LARP4B: variants seen among roughly 807,000 people sequenced by gnomAD.
LARP4B encodes the protein La ribonucleoprotein 4B.
In LARP4B, 12 loss-of-function variants were observed where a neutral mutation model predicts 89.8. The observed-to-expected ratio is 0.13, with a 90% CI of 0.09 to 0.22. The LOEUF (loss-of-function observed/expected upper bound fraction) is 0.22. LARP4B is among the 10% of genes least tolerant of loss of function. The pLI, the probability that LARP4B is intolerant of heterozygous loss-of-function variation, is 1.00. For synonymous variants in LARP4B, 367 were observed against 363.3 expected, an observed-to-expected ratio of 1.01 and a Z score of -0.12; for missense variants, 757 against 947.7, an observed-to-expected ratio of 0.80 and a Z score of 2.64.
chr10:964,907 C>T, the LARP4B span, among the ~76,000 whole-genome samples: 1 of 152,176 alleles, frequency 6.6e-6, no homozygotes, highest in Non-Finnish European at 1.5e-5. Context: ...ACTGTGGGGC[C>T]AGGCCCCACC....
In LARP4B at chr10:908,300, C is replaced by T. The variant is rs909741030; in HGVS notation, c.-39-22540G>A. ...TTAAAGAGTGGCAGCCCAAAGAGGGCATGGGAGCCCCTTGCCCTTCCCCCA... is the reference window on the plus strand; with the variant it reads ...TTAAAGAGTGGCAGCCCAAAGAGGGTATGGGAGCCCCTTGCCCTTCCCCCA... On this transcript the variant is annotated intron_variant, in intron 1 of 17. Coordinates refer to ENST00000316157, the MANE Select transcript of LARP4B (RefSeq NM_015155.3). Among the ~76,000 whole-genome samples, 4 of 152,310 alleles carry T rather than the reference C, an allele frequency of 2.6e-5. No homozygotes were observed. In the Middle Eastern group the frequency reaches 0.01, roughly 389 times the overall value.
chr10:812,564 G>T lies in LARP4B; in HGVS notation c.*362C>A. 1 of 156,346 alleles carries T rather than the reference G, an allele frequency of 6.4e-6. No homozygotes were observed. The highest frequency in any genetic ancestry group is 2.4e-5 in the African/African-American group (1 of 40,944). The allele number at this position is 156,346 out of a possible 1,614,324, so 9.7% of individuals were successfully genotyped here. On this transcript the variant is annotated 3_prime_UTR_variant, in exon 18 of 18. Coordinates refer to ENST00000316157, the MANE Select transcript of LARP4B (RefSeq NM_015155.3). ...CTTAAAAAAAAAAAAAAAAAGCAGA[G>T]TTCCCTTAATTTAGAAAAACTCACT...
chr10:905,114 A>T (rs993102437), intron 1 of LARP4B, among the ~76,000 whole-genome samples: 32 of 152,234 alleles, frequency 2.1e-4, no homozygotes, highest in Admixed American at 4.6e-4. Flanking sequence ...CTCCAAAAAT[A>T]ACTGAAATAT....
At chr10:934,462 C>T (rs560652955), upstream of LARP4B, among the ~76,000 whole-genome samples, 7 of 152,110 alleles carry the variant, frequency 4.6e-5, no homozygotes, top group East Asian at 1.9e-4. Context: ...CGCATTCCAG[C>T]CTGGGTGACA....
At chr10:870,103 C>T in intron 3 of LARP4B, 1 of 959,098 alleles carries the variant, frequency 1.0e-6, no homozygotes, top group Non-Finnish European at 1.2e-6. Flanking sequence ...AAGCAATTTC[C>T]AAGGCCTGTG....
At chr10:851,414 C>A (rs925405482) in intron 5 of LARP4B, among the ~76,000 whole-genome samples, 1 of 152,076 alleles carries the variant, frequency 6.6e-6, no homozygotes, top group Non-Finnish European at 1.5e-5. Context: ...GAACTCTTGA[C>A]CTCACGTGAT....
chr10:917,948 A>AT (rs1745702882), intron 1 of LARP4B, among the ~76,000 whole-genome samples: 1 of 152,248 alleles, frequency 6.6e-6, no homozygotes, highest in African/African-American at 2.4e-5. Context: ...ATTATGCTTC[A>AT]TAAGAAAACT....
At position 809,866 on chromosome 10, in the gene LARP4B, G is replaced by T. The variant is rs375149979; in HGVS notation, c.*3060C>A. The T allele has an allele frequency of 6.6e-6, 1 of 152,612 alleles. No individual in the cohort carries two copies. Among genetic ancestry groups the T allele is most frequent in the South Asian group, 2.1e-4 (1 of 4,838 alleles). 9.5% of individuals were successfully genotyped at this position (152,612 alleles called of 1,614,324 possible). A position where few individuals can be genotyped will look rare whatever the true frequency, so the allele number is the denominator to read the frequency against. On this transcript the variant is annotated 3_prime_UTR_variant, in exon 18 of 18. Transcript: ENST00000316157. ...CCACTACCCGTCGCCCGGATACACT[G>T]AACTGGTTTTGAAGCCTGAACTGCA...
chr10:832,962 C>T (rs1310155490), intron 8 of LARP4B, among the ~76,000 whole-genome samples: 1 of 151,962 alleles, frequency 6.6e-6, no homozygotes, highest in Non-Finnish European at 1.5e-5. Flanking sequence ...AACGTAACAA[C>T]GATGTATTGT....
intron 7 of LARP4B, among the ~76,000 whole-genome samples, chr10:837,196 C>T (rs1833264484): frequency 6.6e-6 from 1 of 152,182 alleles, no homozygotes. Flanking sequence ...AGACATAAAC[C>T]ACCAAAGCTC....
chr10:901,110 G>C (rs1002636513), intron 1 of LARP4B, among the ~76,000 whole-genome samples: 1 of 116,650 alleles, frequency 8.6e-6, no homozygotes, highest in Non-Finnish European at 1.8e-5. Flanking sequence ...TAGTAGAGAC[G>C]AGGTTTCACC....
chr10:853,478 G>C (rs1409695951), intron 5 of LARP4B, among the ~76,000 whole-genome samples: 1 of 152,212 alleles, frequency 6.6e-6, no homozygotes, highest in East Asian at 1.9e-4. Context: ...GGGGTCAGGA[G>C]TTCAAGACCA....
At chr10:837,841 G>C (rs141762890) in intron 7 of LARP4B, among the ~76,000 whole-genome samples, 258 of 151,952 alleles carry the variant, frequency 1.7e-3, no homozygotes, top group African/African-American at 5.7e-3. Flanking sequence ...GATTTCTTAG[G>C]TACAACACCA....
chr10:854,658 T>C (rs1423339461), intron 5 of LARP4B, among the ~76,000 whole-genome samples: 1 of 152,104 alleles, frequency 6.6e-6, no homozygotes, highest in Non-Finnish European at 1.5e-5. Flanking sequence ...TGTCCTGTCA[T>C]CCAGGCTTTG....
At chr10:870,147 C>G (rs1391622286) in intron 3 of LARP4B, 3 of 539,140 alleles carry the variant, frequency 5.6e-6, no homozygotes, top group African/African-American at 4.1e-5. Context: ...AATATTGTTT[C>G]ACCTTCTAGA....
chr10:831,771 T>C (rs141349149), intron 8 of LARP4B, among the ~76,000 whole-genome samples: 3,243 of 152,316 alleles, frequency 0.021, 65 homozygotes, highest in Admixed American at 0.061. Flanking sequence ...GTAACTTCAC[T>C]GCATTTCAAA....
intron 5 of LARP4B, among the ~76,000 whole-genome samples, chr10:845,451 A>T (rs1165825614): frequency 6.6e-6 from 1 of 152,236 alleles, no homozygotes; most frequent in Non-Finnish European, 1.5e-5. Context: ...CAACAAAGAT[A>T]ACCAGCAAAA....
chr10:947,690 C>T, the LARP4B span, among the ~76,000 whole-genome samples: 1 of 152,122 alleles, frequency 6.6e-6, no homozygotes, highest in Non-Finnish European at 1.5e-5. Context: ...GGCGCAATCT[C>T]GGCTCACCGC....
rs770658045 is a variant in LARP4B at position 814,774 on chromosome 10, A to C, written c.1897T>G (p.Cys633Gly). ...RLPSALTATA[C>G]KSVQVNGAAT... ...GCTCCGTTCACCTGCACCGATTTAC[A>C]CGCGGTCGCAGTGAGGGCGGAAGGA... Residue 633 changes from cysteine to glycine, a missense_variant, in exon 17 of 18, where the codon TGT (cysteine) becomes GGT (glycine). Transcript: ENST00000316157. This position sits in a 1 kb window ranked among gnomAD's most constrained non-coding sequence, Gnocchi z 4.4. 11 of 1,603,244 alleles carry C rather than the reference A, an allele frequency of 6.9e-6. No individual in the cohort carries two copies. The highest frequency in any genetic ancestry group is 9.4e-6 in the Non-Finnish European group (11 of 1,174,344).
Sources: allele counts gnomAD v4.1 joint callset (sites outside exome capture counted in the v4.1 genomes callset), GRCh38; gene constraint gnomAD v4.1.1; non-coding constraint Gnocchi (gnomAD v3.1); transcripts MANE v1.5; gene names NCBI Gene and HGNC (gene_info 2026-07-23, HGNC 2026-07-21).